Variants in ATP8B1 observed in about 807,000 individuals in gnomAD.
The protein encoded by ATP8B1 is phospholipid-transporting ATPase IC.
A neutral mutation model predicts 149.9 loss-of-function variants in ATP8B1; 80 were observed. That is an observed-to-expected ratio of 0.53 (90% CI 0.45 to 0.64). ATP8B1 has a LOEUF of 0.64. Ranked by LOEUF, ATP8B1 falls within the 30% of genes least tolerant of loss-of-function variation. The probability of loss-of-function intolerance (pLI) is 0.00; values close to 1 mark genes in which losing one functional copy is unlikely to be tolerated. For missense variants in ATP8B1, 1,247 were observed against 1,552.6 expected, an observed-to-expected ratio of 0.80 and a Z score of 3.31; for synonymous variants, 536 against 562.8, an observed-to-expected ratio of 0.95 and a Z score of 0.67.
chr18:57,801,203 CAA>C (rs758760732), intron 1 of ATP8B1, among the ~76,000 whole-genome samples: 9 of 152,278 alleles, frequency 5.9e-5, no homozygotes, highest in Non-Finnish European at 8.8e-5. Context: ...CAGTAATAAC[CAA>C]AAGAGTCTTG....
At chr18:57,713,101 C>T (rs1229063038) in intron 2 of ATP8B1, among the ~76,000 whole-genome samples, 1 of 151,910 alleles carries the variant, frequency 6.6e-6, no homozygotes, top group Non-Finnish European at 1.5e-5. Flanking sequence ...AGATTCCTTC[C>T]GCTTGAGAAA....
In ATP8B1 at chr18:57,671,634, A is replaced by T. The variant is rs35718397; in HGVS notation, c.1820-54T>A. On this transcript the variant is annotated intron_variant, in intron 16 of 27. Transcript: ENST00000648908. ...ACAAAGTTTGATTTTTTATATATATATTTTTTGAGACAGGGTCTTGCTCTG... is the reference window on the plus strand; with the variant it reads ...ACAAAGTTTGATTTTTTATATATATTTTTTTTGAGACAGGGTCTTGCTCTG... The T allele has an allele frequency of 0.23, 283,293 of 1,243,504 alleles. 35,868 individuals carry two copies. Among genetic ancestry groups the T allele is most frequent in the South Asian group, 0.28 (22,820 of 81,812 alleles). 77.0% of individuals were successfully genotyped at this position (1,243,504 alleles called of 1,614,324 possible).
intron 1 of ATP8B1, among the ~76,000 whole-genome samples, chr18:57,782,803 C>CTCTTTTT: frequency 1.1e-5 from 1 of 91,158 alleles, no homozygotes; most frequent in African/African-American, 4.9e-5. Context: ...TAGTTTGTCT[C>CTCTTTTT]TTTTTTTTTT....
intron 8 of ATP8B1, among the ~76,000 whole-genome samples, chr18:57,697,326 A>G (rs1056092530): frequency 2.0e-5 from 3 of 152,148 alleles, no homozygotes; most frequent in African/African-American, 7.2e-5. Flanking sequence ...TCTCTGACAC[A>G]GATAATAACC....
At chr18:57,697,242 G>A (rs1212341789) in intron 8 of ATP8B1, among the ~76,000 whole-genome samples, 1 of 152,056 alleles carries the variant, frequency 6.6e-6, no homozygotes, top group Non-Finnish European at 1.5e-5. Flanking sequence ...CAGCCTGGGC[G>A]ACAGAGTGAG....
intron 11 of ATP8B1, among the ~76,000 whole-genome samples, chr18:57,692,290 T>C (rs1912572372): frequency 6.6e-6 from 1 of 152,142 alleles, no homozygotes; most frequent in Non-Finnish European, 1.5e-5. Context: ...GAATCTTATA[T>C]TACAGGGCAT....
chr18:57,751,434 G>A (rs1223346353), intron 1 of ATP8B1, among the ~76,000 whole-genome samples: 2 of 150,016 alleles, frequency 1.3e-5, no homozygotes, highest in African/African-American at 4.9e-5. Flanking sequence ...AGAGGTTGCA[G>A]TAAGCCAAGA....
rs764054372 is a variant in ATP8B1, at chr18:57,661,343, T to C, written c.2538A>G (p.Lys846=). Residue 846 remains lysine, a synonymous_variant, in exon 22 of 28, where the codon AAA becomes AAG. Coordinates refer to ENST00000648908, the MANE Select transcript of ATP8B1 (RefSeq NM_001374385.1). ...TQSKRRLEAK[K]EQRQKNFVDL... is the part of the protein sequence containing the mutation. ...CCACAAAGTTTTTCTGCCGCTGCTC[T>C]TTCTTAGCTTCTAGCCTCCTTTTAC... The C allele has an allele frequency of 2.5e-6, 4 of 1,614,064 alleles. No individual in the cohort carries two copies. Among genetic ancestry groups the C allele is most frequent in the Non-Finnish European group, 3.4e-6 (4 of 1,180,028 alleles).
intron 2 of ATP8B1, among the ~76,000 whole-genome samples, chr18:57,723,016 G>T (rs1372627895): frequency 2.7e-5 from 4 of 150,550 alleles, no homozygotes; most frequent in African/African-American, 9.8e-5. Context: ...TATCTCAATA[G>T]ATGCAGAAAA....
chr18:57,739,979 C>A (rs2079895164), intron 1 of ATP8B1, among the ~76,000 whole-genome samples: 1 of 152,198 alleles, frequency 6.6e-6, no homozygotes, highest in South Asian at 2.1e-4. Context: ...TGGCAAATTG[C>A]AGCCCATGGG....
At chr18:57,705,491 A>G (rs1006658865) in intron 3 of ATP8B1, among the ~76,000 whole-genome samples, 3 of 152,222 alleles carry the variant, frequency 2.0e-5, no homozygotes, top group Non-Finnish European at 2.9e-5. Flanking sequence ...TGATTAGGAC[A>G]GGCTCTAATT....
At chr18:57,790,778 T>A (rs2123449944) in intron 1 of ATP8B1, among the ~76,000 whole-genome samples, 1 of 152,300 alleles carries the variant, frequency 6.6e-6, no homozygotes, top group Admixed American at 6.5e-5. Context: ...TGAAGTGCAG[T>A]GGTGCGATCT....
At chr18:57,713,919 G>A (rs1045943154) in intron 2 of ATP8B1, among the ~76,000 whole-genome samples, 1 of 152,076 alleles carries the variant, frequency 6.6e-6, no homozygotes, top group African/African-American at 2.4e-5. Flanking sequence ...GAGACACTGC[G>A]CCCAGCCTGC....
intron 2 of ATP8B1, chr18:57,731,390 G>T (rs2079764125): frequency 2.2e-5 from 8 of 367,546 alleles, no homozygotes; most frequent in Middle Eastern, 6.6e-4. Flanking sequence ...CACTAACAAA[G>T]ACCTTAATGT....
intron 1 of ATP8B1, among the ~76,000 whole-genome samples, chr18:57,740,151 C>A (rs182275308): frequency 1.4e-3 from 213 of 152,112 alleles, no homozygotes; most frequent in Non-Finnish European, 2.1e-3. Context: ...AGTTCAATGG[C>A]GCGATCTCAG....
At position 57,681,978 on chromosome 18, in the gene ATP8B1, G is replaced by A. The variant is rs557176017; in HGVS notation, c.1630+2058C>T. On this transcript the variant is annotated intron_variant, in intron 15 of 27. Transcript: ENST00000648908. ...CAGCTGACAGTGGACAAAGAGCTGC[G>A]GTATGTCAGGCTGGAGGGACTTTGT... Among the ~76,000 whole-genome samples the A allele has an allele frequency of 3.0e-3, 460 of 151,634 alleles. 2 individuals carry two copies. The highest frequency in any genetic ancestry group is 0.01 in the African/African-American group (430 of 41,372).
At chr18:57,716,237 A>G (rs2079581824) in intron 2 of ATP8B1, among the ~76,000 whole-genome samples, 1 of 152,182 alleles carries the variant, frequency 6.6e-6, no homozygotes, top group Non-Finnish European at 1.5e-5. Context: ...AAAGCACACC[A>G]CAAGAGAAAA....
intron 1 of ATP8B1, among the ~76,000 whole-genome samples, chr18:57,789,786 C>T (rs759520865): frequency 6.6e-6 from 1 of 152,140 alleles, no homozygotes; most frequent in Non-Finnish European, 1.5e-5. Flanking sequence ...CATGTACATA[C>T]TTTGTTGCCA....
intron 12 of ATP8B1, among the ~76,000 whole-genome samples, chr18:57,690,150 G>A (rs757975639): frequency 6.6e-5 from 10 of 152,214 alleles, no homozygotes; most frequent in Non-Finnish European, 1.3e-4. Context: ...ATAAGGTGTT[G>A]TCTGAGTAAA....
Sources: allele counts gnomAD v4.1 joint callset (sites outside exome capture counted in the v4.1 genomes callset), GRCh38; gene constraint gnomAD v4.1.1; transcripts MANE v1.5; gene names NCBI Gene and HGNC (gene_info 2026-07-23, HGNC 2026-07-21).